Variants in NKAIN2 observed in about 807,000 individuals in gnomAD.
The protein encoded by NKAIN2 is sodium/potassium transporting ATPase interacting 2, also known as sodium/potassium-transporting ATPase subunit beta-1-interacting protein 2.
Under a neutral mutation model 32.6 loss-of-function variants are expected in NKAIN2, and 14 were observed. The ratio of observed to expected loss-of-function variants is 0.43; its 90% confidence interval spans 0.28 to 0.67. NKAIN2 has a LOEUF of 0.67. Among genes scored for constraint, NKAIN2 ranks in the 30% least tolerant of loss-of-function variants. NKAIN2 has a pLI of 0.17. For synonymous variants in NKAIN2, 80 were observed against 87.2 expected (o/e 0.92, Z 0.46); for missense variants, 198 against 258.3 (o/e 0.77, Z 1.60).
intron 3 of NKAIN2, among the ~76,000 whole-genome samples, chr6:124,537,422 A>G (rs919545431): frequency 2.0e-5 from 3 of 152,158 alleles, no homozygotes; most frequent in Non-Finnish European, 2.9e-5. Context: ...TAGCACCACA[A>G]GTTGTTTTCC....
chr6:124,571,286 A>G (rs574416396), intron 3 of NKAIN2, among the ~76,000 whole-genome samples: 4 of 152,112 alleles, frequency 2.6e-5, no homozygotes, highest in East Asian at 1.9e-4. Context: ...ACTTTGGGGG[A>G]CTGTTGGGAA....
chr6:124,706,843 A>T (rs1015285975), intron 4 of NKAIN2, among the ~76,000 whole-genome samples: 1 of 149,674 alleles, frequency 6.7e-6, no homozygotes, highest in African/African-American at 2.5e-5. Context: ...AGTTGGTTTT[A>T]TTTTTTTTTT....
rs376242584 is a variant in NKAIN2 at position 124,474,995 on chromosome 6, A to C, written c.273+119648A>C. Among the ~76,000 whole-genome samples the C allele has an allele frequency of 2.3e-3, 344 of 150,396 alleles. 1 individual carries two copies. Among genetic ancestry groups the C allele is most frequent in the Middle Eastern group, 7.0e-3 (2 of 286 alleles). On this transcript the variant is annotated intron_variant, in intron 3 of 6. Coordinates refer to ENST00000368417, the MANE Select transcript of NKAIN2 (RefSeq NM_001040214.3). ...GACACGCATGCATATATATATATGT[A>C]TATAATTTTCTCATGAGTAGATCCA...
intron 1 of NKAIN2, among the ~76,000 whole-genome samples, chr6:124,232,520 A>C (rs1792514317): frequency 1.3e-5 from 2 of 152,182 alleles, no homozygotes; most frequent in South Asian, 4.1e-4. Flanking sequence ...AATTGTACTG[A>C]AAGAAGTGAG....
chr6:124,130,982 C>G (rs544357426), intron 1 of NKAIN2, among the ~76,000 whole-genome samples: 1 of 152,280 alleles, frequency 6.6e-6, no homozygotes, highest in East Asian at 1.9e-4. Flanking sequence ...GGCCTGGTGT[C>G]TGTTGAGGTC....
At chr6:124,759,614 C>T (rs1251193783) in intron 4 of NKAIN2, among the ~76,000 whole-genome samples, 5 of 95,488 alleles carry the variant, frequency 5.2e-5, no homozygotes, top group Admixed American at 3.3e-4. Flanking sequence ...CACACACACA[C>T]ACACACACAC....
intron 3 of NKAIN2, among the ~76,000 whole-genome samples, chr6:124,480,994 A>G (rs1777423295): frequency 6.6e-6 from 1 of 152,138 alleles, no homozygotes; most frequent in South Asian, 2.1e-4. Flanking sequence ...CTGGGCGTTT[A>G]CAAGAGGGCA....
intron 1 of NKAIN2, among the ~76,000 whole-genome samples, chr6:124,109,853 A>G (rs890583745): frequency 6.6e-6 from 1 of 151,982 alleles, no homozygotes; most frequent in Non-Finnish European, 1.5e-5. Context: ...ATATGTTGAG[A>G]TGATCCTGTG....
intron 3 of NKAIN2, among the ~76,000 whole-genome samples, chr6:124,593,961 A>G (rs1173936940): frequency 6.6e-6 from 1 of 152,192 alleles, no homozygotes; most frequent in Non-Finnish European, 1.5e-5. Flanking sequence ...AGATTAAATG[A>G]CTTAATACGT....
At chr6:124,731,793 T>C (rs1475442562) in intron 4 of NKAIN2, among the ~76,000 whole-genome samples, 3 of 152,106 alleles carry the variant, frequency 2.0e-5, no homozygotes, top group Admixed American at 2.0e-4. Context: ...ACTCATCTGC[T>C]CACTTTTCTT....
intron 3 of NKAIN2, among the ~76,000 whole-genome samples, chr6:124,458,107 CTG>C (rs1776391816): frequency 6.6e-6 from 1 of 151,782 alleles, no homozygotes; most frequent in Admixed American, 6.6e-5. Context: ...TTTCATAGCT[CTG>C]TATTTAGCAT....
chr6:124,567,883 C>T (rs1343511004), intron 3 of NKAIN2, among the ~76,000 whole-genome samples: 3 of 152,132 alleles, frequency 2.0e-5, no homozygotes, highest in Non-Finnish European at 4.4e-5. Flanking sequence ...ATTTTACCCA[C>T]AGCCCATAGT....
chr6:124,618,873 C>T (rs1283929198), intron 3 of NKAIN2, among the ~76,000 whole-genome samples: 1 of 152,106 alleles, frequency 6.6e-6, no homozygotes, highest in Non-Finnish European at 1.5e-5. Context: ...ATGTTATATT[C>T]ACAAACCATT....
chr6:124,390,945 A>C (rs1357266379), intron 3 of NKAIN2: 1 of 152,028 alleles, frequency 6.6e-6, no homozygotes, highest in Non-Finnish European at 1.5e-5. Flanking sequence ...AAAAAAAGAG[A>C]AGCATCTAAA....
intron 3 of NKAIN2, among the ~76,000 whole-genome samples, chr6:124,426,058 C>T (rs544761037): frequency 6.6e-5 from 10 of 152,238 alleles, no homozygotes; most frequent in Non-Finnish European, 8.8e-5. Context: ...CACTTATGAC[C>T]TTTATCTTTC....
At chr6:124,476,905 A>G (rs1237919825) in intron 3 of NKAIN2, among the ~76,000 whole-genome samples, 1 of 152,158 alleles carries the variant, frequency 6.6e-6, no homozygotes, top group Admixed American at 6.6e-5. Flanking sequence ...GTTTACAACA[A>G]TTATTTCTGA....
chr6:124,528,641 T>C (rs141224928), intron 3 of NKAIN2, among the ~76,000 whole-genome samples: 5 of 152,312 alleles, frequency 3.3e-5, no homozygotes, highest in Admixed American at 2.0e-4. Context: ...TATGAAACTA[T>C]CTAATTTGGG....
intron 1 of NKAIN2, among the ~76,000 whole-genome samples, chr6:123,931,039 G>A (rs557118019): frequency 3.6e-4 from 55 of 152,192 alleles, no homozygotes; most frequent in African/African-American, 1.3e-3. Flanking sequence ...TGTTCAGGCA[G>A]TGCAAATACA....
intron 4 of NKAIN2, among the ~76,000 whole-genome samples, chr6:124,733,698 T>A (rs1776796042): frequency 6.6e-6 from 1 of 151,768 alleles, no homozygotes; most frequent in South Asian, 2.1e-4. Flanking sequence ...GGATTAGAAT[T>A]GGGGACATTA....
Sources: allele counts gnomAD v4.1 joint callset (sites outside exome capture counted in the v4.1 genomes callset), GRCh38; gene constraint gnomAD v4.1.1; transcripts MANE v1.5; gene names NCBI Gene and HGNC (gene_info 2026-07-23, HGNC 2026-07-21).